Variants in AFF3 observed in about 807,000 individuals in gnomAD.
AFF3 encodes AF4/FMR2 family member 3.
AFF3 carries 32 observed loss-of-function variants against 129.7 expected under a neutral mutation model. The ratio of observed to expected loss-of-function variants is 0.25; its 90% CI spans 0.19 to 0.33. AFF3 has a LOEUF of 0.33. AFF3 is among the 10% of genes least tolerant of loss of function. The pLI, the probability that AFF3 is intolerant of heterozygous loss-of-function variation, is 1.00. For missense variants in AFF3, 1,373 were observed against 1,592.0 expected (o/e 0.86, Z 2.34); for synonymous variants, 644 against 635.4 (o/e 1.01, Z -0.20).
chr2:100,078,475 T>G (rs192622393), intron 4 of AFF3, among the ~76,000 whole-genome samples: 79 of 152,208 alleles, frequency 5.2e-4, no homozygotes, highest in Non-Finnish European at 1.0e-3. Flanking sequence ...TCTGCAGGAA[T>G]ATCTATGTAG....
chr2:100,024,231 CAAAAAAAAAAAA>C (rs56368025), intron 4 of AFF3, among the ~76,000 whole-genome samples: 3 of 56,044 alleles, frequency 5.4e-5, no homozygotes, highest in East Asian at 6.8e-4. Context: ...GACTCCGTCT[CAAAAAAAAAAAA>C]AAAAAAAAAA....
chr2:100,000,066 A>G (rs533999951), intron 7 of AFF3, among the ~76,000 whole-genome samples: 23 of 152,306 alleles, frequency 1.5e-4, no homozygotes, highest in Admixed American at 1.4e-3. Flanking sequence ...TCTACTGTAA[A>G]TGTATTGCTA....
chr2:99,601,536 A>AGCTGCT lies in AFF3; in HGVS notation c.1264_1269dup (p.Ser425_Ser426dup). The stretch of plus-strand genomic sequence containing the variant: ...GAGCTGCTCTCTGAGTCGCTGGAGG[A>AGCTGCT]GCTGCTGCTGCCGCTGCTGCTGCTG... On this transcript the variant is annotated inframe_insertion, in exon 14 of 25. Transcript: ENST00000672756. 1.2e-6 allele frequency: 2 copies of AGCTGCT among 1,603,514 alleles called. No individual in the cohort carries two copies. The highest frequency in any genetic ancestry group is 1.7e-6 in the Non-Finnish European group (2 of 1,176,466).
At chr2:100,065,153 C>T (rs1397506002) in intron 4 of AFF3, among the ~76,000 whole-genome samples, 1 of 152,158 alleles carries the variant, frequency 6.6e-6, no homozygotes, top group Non-Finnish European at 1.5e-5. Context: ...TTTTGAAAAA[C>T]GAGGCTGCTC....
At chr2:99,571,176 G>A (rs1676440878) in intron 18 of AFF3, among the ~76,000 whole-genome samples, 1 of 152,202 alleles carries the variant, frequency 6.6e-6, no homozygotes, top group African/African-American at 2.4e-5. Context: ...TTAGAAAAGA[G>A]TGGTGCCTTC....
intron 14 of AFF3, 30 bp downstream of exon 14, chr2:99,601,393 CAGAAGTGGGCAG>C: frequency 6.6e-7 from 1 of 1,526,236 alleles, no homozygotes; most frequent in Non-Finnish European, 8.8e-7. Flanking sequence ...CTCATAGAGA[CAGAAGTGGGCAG>C]AGGAGAGGCC....
chr2:99,632,492 A>C (rs1683217019), intron 13 of AFF3, among the ~76,000 whole-genome samples: 1 of 152,138 alleles, frequency 6.6e-6, no homozygotes, highest in African/African-American at 2.4e-5. Context: ...GGGTGACGGC[A>C]GCTATGGTCC....
chr2:100,120,068 A>G (rs1243223324), intron 2 of AFF3, among the ~76,000 whole-genome samples: 1 of 152,228 alleles, frequency 6.6e-6, no homozygotes, highest in Admixed American at 6.5e-5. Flanking sequence ...GATATCATCT[A>G]GTCACATTAG....
At chr2:99,685,344 C>A (rs1674950940) in intron 11 of AFF3, among the ~76,000 whole-genome samples, 1 of 152,144 alleles carries the variant, frequency 6.6e-6, no homozygotes, top group Non-Finnish European at 1.5e-5. Flanking sequence ...AACCTGATTA[C>A]CCTGCCAACA....
intron 9 of AFF3, 50 bp from the exon 10 acceptor site, chr2:99,744,190 TC>T: frequency 6.5e-7 from 1 of 1,543,796 alleles, no homozygotes. Context: ...ACTTTCAAAA[TC>T]CAAGTTAAAC....
chr2:100,001,961 G>T (rs188825877), intron 7 of AFF3, among the ~76,000 whole-genome samples: 1 of 152,238 alleles, frequency 6.6e-6, no homozygotes, highest in African/African-American at 2.4e-5. Context: ...CGAGCAGACA[G>T]GAGGAAGCGC....
chr2:99,705,581 A>T (rs144226886), intron 11 of AFF3, among the ~76,000 whole-genome samples: 1,868 of 152,094 alleles, frequency 0.012, 42 homozygotes, highest in African/African-American at 0.043. Context: ...GCATTAAAAA[A>T]CCTTTGGGTT....
At chr2:99,983,041 A>G (rs1411652064) in intron 7 of AFF3, among the ~76,000 whole-genome samples, 3 of 152,250 alleles carry the variant, frequency 2.0e-5, no homozygotes, top group African/African-American at 7.2e-5. Flanking sequence ...TACATAGTTT[A>G]ATAAAGACAA....
intron 7 of AFF3, among the ~76,000 whole-genome samples, chr2:99,888,532 A>G (rs1693293741): frequency 6.6e-6 from 1 of 152,178 alleles, no homozygotes; most frequent in Non-Finnish European, 1.5e-5. Context: ...TCCCTATTTC[A>G]TCAATTTCTT....
intron 7 of AFF3, among the ~76,000 whole-genome samples, chr2:99,870,378 G>A (rs1336717181): frequency 1.3e-5 from 2 of 152,232 alleles, no homozygotes; most frequent in Admixed American, 6.5e-5. Context: ...CTGCAGCCAC[G>A]TAGGCCCCTT....
At chr2:99,586,403 T>C (rs1678121726) in intron 16 of AFF3, among the ~76,000 whole-genome samples, 1 of 152,212 alleles carries the variant, frequency 6.6e-6, no homozygotes, top group African/African-American at 2.4e-5. Context: ...GCTCTACATC[T>C]TTTCCTAACC....
intron 8 of AFF3, among the ~76,000 whole-genome samples, chr2:99,770,425 A>G (rs1255961122): frequency 2.6e-5 from 4 of 152,046 alleles, no homozygotes; most frequent in African/African-American, 9.7e-5. Flanking sequence ...ATGGTATCCA[A>G]CAGCCAAGGC....
At chr2:99,733,156 G>GATCATGA (rs1159445886) in intron 10 of AFF3, among the ~76,000 whole-genome samples, 3 of 151,986 alleles carry the variant, frequency 2.0e-5, no homozygotes, top group Non-Finnish European at 4.4e-5. Flanking sequence ...GAGGCAGGCG[G>GATCATGA]ATCATGAGGT....
intron 4 of AFF3, among the ~76,000 whole-genome samples, chr2:100,009,666 G>A (rs1682331075): frequency 6.6e-6 from 1 of 152,198 alleles, no homozygotes; most frequent in Non-Finnish European, 1.5e-5. Context: ...ATACAATTAT[G>A]AAGTGGCCAG....
Sources: gnomAD v4.1 joint callset for allele counts (sites outside exome capture counted in the v4.1 genomes callset) on GRCh38, gnomAD v4.1.1 for gene constraint, MANE v1.5 for transcripts, NCBI Gene and HGNC (gene_info 2026-07-23, HGNC 2026-07-21) for gene names.